The following QTMAN variants were observed in gnomAD, a reference collection of about 807,000 sequenced individuals.
QTMAN encodes the protein queuosine-tRNA mannosyltransferase, also known as tRNA-queuosine alpha-mannosyltransferase.
the QTMAN span, among the ~76,000 whole-genome samples, chr2:144,285,748 C>T: frequency 1.3e-5 from 2 of 152,172 alleles, no homozygotes; most frequent in Non-Finnish European, 2.9e-5. Context: ...ACTTTCTACA[C>T]TTAACTATTG....
the QTMAN span, among the ~76,000 whole-genome samples, chr2:144,036,982 C>A: frequency 3.3e-5 from 5 of 152,256 alleles, no homozygotes; most frequent in African/African-American, 1.2e-4. Context: ...TATGAATGAA[C>A]CTTGAAAAAT....
chr2:144,242,160 T>C, the QTMAN span, among the ~76,000 whole-genome samples: 10 of 152,182 alleles, frequency 6.6e-5, no homozygotes, highest in African/African-American at 2.4e-4. Context: ...AGATTGTGAC[T>C]CAGAATAAGA....
At chr2:144,227,245 T>A in the QTMAN span, among the ~76,000 whole-genome samples, 1 of 152,134 alleles carries the variant, frequency 6.6e-6, no homozygotes, top group African/African-American at 2.4e-5. Context: ...TCTTAACATA[T>A]AAGTACTACA....
At chr2:144,088,583 A>AC in the QTMAN span, among the ~76,000 whole-genome samples, 1 of 152,248 alleles carries the variant, frequency 6.6e-6, no homozygotes, top group South Asian at 2.1e-4. Context: ...TTACAAGTCT[A>AC]CAGTAAACAG....
At chr2:144,088,970 C>T in the QTMAN span, among the ~76,000 whole-genome samples, 1 of 151,534 alleles carries the variant, frequency 6.6e-6, no homozygotes, top group African/African-American at 2.4e-5. Flanking sequence ...ATAGGACTTA[C>T]TTAAACTAAA....
chr2:144,040,074 G>A, the QTMAN span, among the ~76,000 whole-genome samples: 1 of 152,164 alleles, frequency 6.6e-6, no homozygotes, highest in Non-Finnish European at 1.5e-5. Context: ...GTGCCCCTTT[G>A]CTTCCATTGA....
At chr2:144,133,541 T>C in the QTMAN span, among the ~76,000 whole-genome samples, 5 of 103,598 alleles carry the variant, frequency 4.8e-5, no homozygotes, top group African/African-American at 1.5e-4. Flanking sequence ...TATATAAAGA[T>C]ATAAAGATAT....
At chr2:144,093,238 A>G in the QTMAN span, among the ~76,000 whole-genome samples, 2 of 152,248 alleles carry the variant, frequency 1.3e-5, no homozygotes, top group Non-Finnish European at 2.9e-5. Context: ...TAATGCATAC[A>G]ATCAAGAGCA....
At chr2:144,037,847 C>T in the QTMAN span, among the ~76,000 whole-genome samples, 4 of 152,240 alleles carry the variant, frequency 2.6e-5, no homozygotes, top group East Asian at 5.8e-4. Flanking sequence ...CTCAATAGTA[C>T]GATCTCATTA....
At chr2:144,074,230 A>AG in the QTMAN span, among the ~76,000 whole-genome samples, 1 of 152,236 alleles carries the variant, frequency 6.6e-6, no homozygotes, top group Non-Finnish European at 1.5e-5. Flanking sequence ...GTTGAGAAGG[A>AG]GGGGTCACAC....
chr2:144,261,695 A>G, the QTMAN span, among the ~76,000 whole-genome samples: 17 of 152,226 alleles, frequency 1.1e-4, no homozygotes, highest in Non-Finnish European at 1.8e-4. Flanking sequence ...TTTTAAAACC[A>G]TTCTTTGAAA....
At chr2:144,101,939 AG>A in the QTMAN span, among the ~76,000 whole-genome samples, 1 of 152,176 alleles carries the variant, frequency 6.6e-6, no homozygotes, top group Admixed American at 6.5e-5. Flanking sequence ...GACTGAAAGA[AG>A]GAAAGTTTCT....
the QTMAN span, among the ~76,000 whole-genome samples, chr2:144,048,936 T>G: frequency 1.3e-5 from 2 of 152,168 alleles, no homozygotes; most frequent in African/African-American, 4.8e-5. Flanking sequence ...CAGAAGAAAG[T>G]GGAGAGACAG....
the QTMAN span, among the ~76,000 whole-genome samples, chr2:144,141,046 A>G: frequency 1.3e-5 from 2 of 152,038 alleles, no homozygotes; most frequent in African/African-American, 4.8e-5. Flanking sequence ...CATAGCATGT[A>G]TGGATATTAA....
chr2:144,256,577 A>T, the QTMAN span, among the ~76,000 whole-genome samples: 2 of 152,202 alleles, frequency 1.3e-5, no homozygotes, highest in Non-Finnish European at 2.9e-5. Context: ...GGAAACCATC[A>T]TCCTCAGCAA....
At chr2:144,152,223 G>A in the QTMAN span, among the ~76,000 whole-genome samples, 388 of 152,300 alleles carry the variant, frequency 2.5e-3, 14 homozygotes, top group East Asian at 0.063. Flanking sequence ...TGTCAAGAAG[G>A]TAGGGAATCA....
chr2:143,991,065 T>G, the QTMAN span, among the ~76,000 whole-genome samples: 1 of 151,594 alleles, frequency 6.6e-6, no homozygotes, highest in Non-Finnish European at 1.5e-5. Context: ...TTATCCAGAA[T>G]CCAGAATATA....
chr2:144,164,032 C>T, the QTMAN span, among the ~76,000 whole-genome samples: 1 of 152,158 alleles, frequency 6.6e-6, no homozygotes, highest in Non-Finnish European at 1.5e-5. Context: ...AAGCGATTCT[C>T]CTGCCTCAGC....
At chr2:144,137,325 T>G in the QTMAN span, among the ~76,000 whole-genome samples, 1 of 152,226 alleles carries the variant, frequency 6.6e-6, no homozygotes, top group Middle Eastern at 3.4e-3. Context: ...CAGGGGTTAT[T>G]TGATGTGCAG....
Sources: gnomAD v4.1 joint callset for allele counts (sites outside exome capture counted in the v4.1 genomes callset) on GRCh38, gnomAD v4.1.1 for gene constraint, MANE v1.5 for transcripts, NCBI Gene and HGNC (gene_info 2026-07-23, HGNC 2026-07-21) for gene names.